Variants in GREB1 observed in about 807,000 individuals in gnomAD.
GREB1 encodes growth regulating estrogen receptor binding 1.
Under a neutral mutation model 200.7 loss-of-function variants are expected in GREB1, and 106 were observed. The ratio of observed to expected loss-of-function variants is 0.53; its 90% CI spans 0.45 to 0.62. GREB1 has a LOEUF of 0.62. GREB1 is among the 20% of genes least tolerant of loss of function. GREB1 has a pLI of 0.00. For synonymous variants in GREB1, 1,132 were observed against 1,092.4 expected (o/e 1.04, Z -0.72); for missense variants, 2,243 against 2,556.8 (o/e 0.88, Z 2.65).
intron 7 of GREB1, chr2:11,581,287 G>C (rs1679450942): frequency 2.1e-6 from 1 of 477,618 alleles, no homozygotes; most frequent in Non-Finnish European, 3.7e-6. Context: ...TGCTCCAAGG[G>C]TTGTTAAGAG....
At chr2:11,526,212 T>G (rs1421325616) in intron 1 of GREB1, among the ~76,000 whole-genome samples, 1 of 152,220 alleles carries the variant, frequency 6.6e-6, no homozygotes, top group East Asian at 1.9e-4. Context: ...CATTTCTTTC[T>G]TTTTTACATC....
intron 1 of GREB1, among the ~76,000 whole-genome samples, chr2:11,496,327 A>T (rs1464867747): frequency 1.3e-5 from 2 of 152,208 alleles, no homozygotes; most frequent in African/African-American, 4.8e-5. Flanking sequence ...ATGCCTTGTT[A>T]GGATGTGAAC....
chr2:11,523,061 G>GAT (rs1200751003), intron 1 of GREB1, among the ~76,000 whole-genome samples: 1 of 152,216 alleles, frequency 6.6e-6, no homozygotes, highest in Non-Finnish European at 1.5e-5. Flanking sequence ...AAAAGAATGA[G>GAT]ATCATGTCTT....
chr2:11,588,667 C>T, intron 9 of GREB1, 79 bp from the exon 10 acceptor site: 1 of 1,306,128 alleles, frequency 7.7e-7, no homozygotes, highest in Non-Finnish European at 1.1e-6. Flanking sequence ...TCAGTGCCCT[C>T]ACCCCCAGAG....
intron 30 of GREB1, among the ~76,000 whole-genome samples, chr2:11,636,041 C>T (rs1321879431): frequency 2.0e-5 from 3 of 152,214 alleles, no homozygotes; most frequent in African/African-American, 7.2e-5. Context: ...TCTATCCCTC[C>T]TTGTCTCTGT....
chr2:11,528,498 A>AT (rs202007428), intron 1 of GREB1, among the ~76,000 whole-genome samples: 3,057 of 151,082 alleles, frequency 0.02, 29 homozygotes, highest in Non-Finnish European at 0.03. Context: ...TGGTTATAGA[A>AT]TTTTTTTTTT....
intron 26 of GREB1, 27 bp from the exon 27 acceptor site, chr2:11,631,882 C>T (rs753800228): frequency 1.9e-6 from 3 of 1,553,008 alleles, no homozygotes; most frequent in Non-Finnish European, 1.8e-6. Flanking sequence ...TACAAACACT[C>T]TACCTCATGA....
At chr2:11,634,938 CT>C (rs35200428) in intron 29 of GREB1, among the ~76,000 whole-genome samples, 1 of 152,210 alleles carries the variant, frequency 6.6e-6, no homozygotes, top group Admixed American at 6.5e-5. Context: ...TTGTTGCTTT[CT>C]TTTTCACCGA....
chr2:11,501,251 G>C (rs752407683), intron 1 of GREB1, among the ~76,000 whole-genome samples: 4 of 152,178 alleles, frequency 2.6e-5, no homozygotes, highest in Non-Finnish European at 5.9e-5. Context: ...TAGGTATTTT[G>C]AGTACATCGA....
chr2:11,610,175 C>T (rs1222030955), intron 17 of GREB1, among the ~76,000 whole-genome samples: 1 of 152,140 alleles, frequency 6.6e-6, no homozygotes, highest in African/African-American at 2.4e-5. Context: ...ATTAGTCTGT[C>T]AAAATACGTT....
At chr2:11,489,989 T>C (rs1308287888) in intron 1 of GREB1, among the ~76,000 whole-genome samples, 7 of 149,392 alleles carry the variant, frequency 4.7e-5, no homozygotes, top group African/African-American at 1.5e-4. Context: ...AATATTGTAA[T>C]TGTATTACAA....
intron 4 of GREB1, among the ~76,000 whole-genome samples, chr2:11,568,448 C>T (rs759319253): frequency 1.3e-4 from 20 of 152,362 alleles, no homozygotes; most frequent in Non-Finnish European, 2.8e-4. Context: ...TCTTTTGAGG[C>T]AGGCTCATGG....
chr2:11,607,432 G>A (rs112370156), intron 17 of GREB1, among the ~76,000 whole-genome samples: 952 of 62,060 alleles, frequency 0.015, 13 homozygotes, highest in African/African-American at 0.066. Flanking sequence ...ATATGTATGT[G>A]TGTGTGTGTG....
chr2:11,556,362 C>T (rs546775811), intron 1 of GREB1, 92 bp from the exon 2 acceptor site: 206 of 302,190 alleles, frequency 6.8e-4, no homozygotes, highest in African/African-American at 4.1e-3. Flanking sequence ...AGAGGCAGCT[C>T]CTAGTGAAAC....
intron 2 of GREB1, among the ~76,000 whole-genome samples, chr2:11,557,751 C>A (rs1288506770): frequency 1.3e-5 from 2 of 152,152 alleles, no homozygotes; most frequent in Non-Finnish European, 2.9e-5. Flanking sequence ...CCTTCTAAAC[C>A]CCTGGAAGAA....
At chr2:11,630,401 T>C (rs780467302) in intron 26 of GREB1, among the ~76,000 whole-genome samples, 2 of 152,208 alleles carry the variant, frequency 1.3e-5, no homozygotes, top group Non-Finnish European at 2.9e-5. Context: ...GTGAGAACTG[T>C]TTGGAATAAC....
intron 4 of GREB1, among the ~76,000 whole-genome samples, chr2:11,567,331 G>C (rs531111377): frequency 6.6e-6 from 1 of 152,074 alleles, no homozygotes; most frequent in African/African-American, 2.4e-5. Flanking sequence ...CACCATGTTG[G>C]CCAGGCTGGT....
At chr2:11,567,866 G>A (rs1217300575) in intron 4 of GREB1, among the ~76,000 whole-genome samples, 2 of 152,216 alleles carry the variant, frequency 1.3e-5, no homozygotes, top group Admixed American at 1.3e-4. Context: ...TCTGCCCACA[G>A]GTCCCTGTGT....
chr2:11,631,587 C>T (rs1004221963), intron 26 of GREB1, among the ~76,000 whole-genome samples: 2 of 152,138 alleles, frequency 1.3e-5, no homozygotes, highest in Non-Finnish European at 1.5e-5. Context: ...AGGTTGTCTG[C>T]GGGCTGGCTG....
Sources: allele counts gnomAD v4.1 joint callset (sites outside exome capture counted in the v4.1 genomes callset), GRCh38; gene constraint gnomAD v4.1.1; transcripts MANE v1.5; gene names NCBI Gene and HGNC (gene_info 2026-07-23, HGNC 2026-07-21).